COL6A2: variants seen among roughly 807,000 people sequenced by gnomAD.
COL6A2 encodes the protein collagen alpha-2(VI) chain.
Under a neutral mutation model 124.9 loss-of-function variants are expected in COL6A2, and 90 were observed. The observed-to-expected ratio is 0.72, with a 90% CI of 0.61 to 0.86. The LOEUF (loss-of-function observed/expected upper bound fraction) is 0.86, where lower values mean the gene tolerates loss of function less well. Ranked by LOEUF, COL6A2 falls within the 40% of genes least tolerant of loss-of-function variation. COL6A2 has a pLI of 0.00. For synonymous variants in COL6A2, 793 were observed against 618.2 expected, an observed-to-expected ratio of 1.28 and a Z score of -4.19; for missense variants, 1,607 against 1,502.5, an observed-to-expected ratio of 1.07 and a Z score of -1.15.
In COL6A2 at chr21:46,112,208, G is replaced by C. The variant is rs138007666; in HGVS notation, c.345G>C (p.Arg115=). ...VEVFSPPGSD[R]ASFIKNLQGI... ...TGTTCAGCCCACCGGGCAGCGACCG[G>C]GCCTCCTTCATCAAGAACCTGCAGG... The change falls in exon 3 of 28, where the codon CGG becomes CGC. Residue 115 remains arginine, a synonymous_variant. Transcript: ENST00000300527. The C allele has an allele frequency of 6.2e-7, 1 of 1,612,904 alleles. No homozygotes were observed. Among genetic ancestry groups the C allele is most frequent in the Admixed American group, 1.7e-5 (1 of 60,030 alleles).
Position 46,116,248 on chromosome 21 carries a change from G to A in COL6A2, c.901-129G>A. The A allele has an allele frequency of 8.1e-7, 1 of 1,240,458 alleles. No homozygotes were observed. The highest frequency in any genetic ancestry group is 1.9e-5 in the Admixed American group (1 of 51,764). 76.8% of individuals were successfully genotyped at this position (1,240,458 alleles called of 1,614,324 possible). A position where few individuals can be genotyped will look rare whatever the true frequency, so the allele number is the denominator to read the frequency against. ...GACCCAGGGCTCAGCCTCCTCCGCA[G>A]ACTGTTTGTCGAGAACACTAGATGC... On this transcript the variant is annotated intron_variant, in intron 7 of 27. Transcript: ENST00000300527. The surrounding 1 kb of genome is among the most constrained non-coding windows in gnomAD (Gnocchi z 4.6).
rs112710668 is a variant in COL6A2, at chr21:46,111,185, G to T, written c.-27-265G>T. On this transcript the variant is annotated intron_variant, in intron 1 of 27. Coordinates refer to ENST00000300527, the MANE Select transcript of COL6A2 (RefSeq NM_001849.4). ...CACCCAGCCCTGGAGGACATGGAAG[G>T]GCCTCAACCATCCAAATCCCACCCA... Among the ~76,000 whole-genome samples the T allele has an allele frequency of 0.026, 4,001 of 152,230 alleles. 109 individuals are homozygous for T. Among genetic ancestry groups the T allele is most frequent in the Middle Eastern group, 0.065 (19 of 294 alleles).
chr21:46,122,299 A>G, intron 19 of COL6A2, 141 bp downstream of exon 19: 1 of 1,237,146 alleles, frequency 8.1e-7, no homozygotes, highest in East Asian at 2.5e-5. Context: ...GAGTGGTGAG[A>G]AGGCTTCGGG....
chr21:46,102,338 C>T (rs1228831597), intron 1 of COL6A2, among the ~76,000 whole-genome samples: 1 of 152,002 alleles, frequency 6.6e-6, no homozygotes, highest in African/African-American at 2.4e-5. Flanking sequence ...CATCAGTGAT[C>T]AGAGATAATT....
intron 14 of COL6A2, 91 bp downstream of exon 14, chr21:46,119,210 T>C (rs1568932078): frequency 9.9e-7 from 1 of 1,005,612 alleles, no homozygotes; most frequent in Non-Finnish European, 1.5e-6. Context: ...ACCTGGGCTG[T>C]AGGCAGGATC....
chr21:46,114,250 C>G (rs945840676), intron 5 of COL6A2, among the ~76,000 whole-genome samples, 177 bp downstream of exon 5: 1 of 152,020 alleles, frequency 6.6e-6, no homozygotes, highest in Non-Finnish European at 1.5e-5. Context: ...CATGGTGAAA[C>G]CCTGTCTCTA....
At position 46,129,092 on chromosome 21, in the gene COL6A2, A is replaced by C. The variant is rs559141731; in HGVS notation, c.2461+2551A>C. On this transcript the variant is annotated intron_variant, in intron 27 of 27. Transcript: ENST00000300527. ...TTTCCTCTACCGACTCGCCAGCCCAAATGCCGCTCTTCACTCTGGCCTCGC... is the reference window on the plus strand; with the variant it reads ...TTTCCTCTACCGACTCGCCAGCCCACATGCCGCTCTTCACTCTGGCCTCGC... 2.1e-4 allele frequency: 342 copies of C among 1,601,636 alleles called. 4 individuals are homozygous for C. The South Asian group carries it at 3.4e-3, about 16-fold the overall frequency.
At chr21:46,129,118 T>G (rs2078720256) in intron 27 of COL6A2, 1 of 1,607,422 alleles carries the variant, frequency 6.2e-7, no homozygotes, top group Non-Finnish European at 8.5e-7. Context: ...CTGGCCTCGC[T>G]GAGCGGCTGC....
rs267606749 is a variant in COL6A2, at chr21:46,121,590, G to A, written c.1493G>A (p.Arg498His). Residue 498 changes from arginine (R) to histidine (H), a missense_variant, in exon 18 of 28, where the codon CGT becomes CAT. Around this residue, in one of 3 missense-constraint regions of COL6A2, gnomAD observed 1,223 missense variants for 1,052.2 expected, o/e 1.16. Coordinates refer to ENST00000300527, the MANE Select transcript of COL6A2 (RefSeq NM_001849.4). Reference sequence around the variant, plus strand: ...GGAGACCCCGGTGATGCAGGACCCCGTGGAGACTCAGGACAGCCAGGCCCC... The same window carrying A: ...GGAGACCCCGGTGATGCAGGACCCCATGGAGACTCAGGACAGCCAGGCCCC... ...SRGDPGDAGP[R>H]GDSGQPGPKG... 2.6e-5 allele frequency: 42 copies of A among 1,612,720 alleles called. No homozygotes were observed. Among genetic ancestry groups the A allele is most frequent in the Middle Eastern group, 1.6e-4 (1 of 6,082 alleles).
chr21:46,103,689 T>G (rs2078309696), intron 1 of COL6A2, among the ~76,000 whole-genome samples: 1 of 152,238 alleles, frequency 6.6e-6, no homozygotes, highest in Non-Finnish European at 1.5e-5. Flanking sequence ...TTGTTTAATT[T>G]CGTGATTTTT....
rs148762354 is a variant in COL6A2 at position 46,128,940 on chromosome 21, G to A, written c.2461+2399G>A. 571 of 1,611,686 alleles carry A rather than the reference G, an allele frequency of 3.5e-4. 7 individuals are homozygous for A. In the East Asian group the frequency reaches 9.2e-3, roughly 26 times the overall value. ...CTGTTTTGTGCTGAAAGGTTTTCTCGGGGTCCGTGGTGTCCCCCAAAGGTG... is the reference window on the plus strand; with the variant it reads ...CTGTTTTGTGCTGAAAGGTTTTCTCAGGGTCCGTGGTGTCCCCCAAAGGTG... On this transcript the variant is annotated intron_variant, in intron 27 of 27. Coordinates refer to ENST00000300527, the MANE Select transcript of COL6A2 (RefSeq NM_001849.4).
chr21:46,130,339 GGGGAGCGGCAGGGATCACCATCCAAA>G (rs1419458262), intron 27 of COL6A2, among the ~76,000 whole-genome samples: 7 of 152,294 alleles, frequency 4.6e-5, no homozygotes, highest in African/African-American at 9.6e-5. Flanking sequence ...CCACAATGTT[GGGGAGCGGCAGGGATCACCATCCAAA>G]GGGAGCGGCC....
chr21:46,117,941 G>A lies in COL6A2; in HGVS notation c.1116+5G>A. 6.2e-7 allele frequency: 1 copy of A among 1,612,190 alleles called. No homozygotes were observed. The highest frequency in any genetic ancestry group is 8.5e-7 in the Non-Finnish European group (1 of 1,179,380). On this transcript the variant is annotated splice_donor_5th_base_variant and intron_variant, in intron 12 of 27. Coordinates refer to ENST00000300527, the MANE Select transcript of COL6A2 (RefSeq NM_001849.4). ...CGAGGAGACCAAGGCGGCAAGGTAAGTGGCCTTGTCAGGGTACGGGGCAGG... is the reference window on the plus strand; with the variant it reads ...CGAGGAGACCAAGGCGGCAAGGTAAATGGCCTTGTCAGGGTACGGGGCAGG...
intron 24 of COL6A2, 50 bp downstream of exon 24, chr21:46,125,361 C>T (rs368592024): frequency 9.4e-6 from 15 of 1,603,200 alleles, no homozygotes; most frequent in East Asian, 4.5e-5. Context: ...GGGTGGAGGG[C>T]GGGAGTGCAG....
rs1039326587 is a variant in COL6A2, at chr21:46,098,946, G to C, written c.-28+773G>C. The C allele has an allele frequency of 2.0e-5, 3 of 152,442 alleles. No homozygotes were observed. The South Asian group carries it at 6.2e-4, about 32-fold the overall frequency. 9.4% of individuals were successfully genotyped at this position (152,442 alleles called of 1,614,324 possible). A position where few individuals can be genotyped will look rare whatever the true frequency, so the allele number is the denominator to read the frequency against. On this transcript the variant is annotated intron_variant, in intron 1 of 27. Coordinates refer to ENST00000300527, the MANE Select transcript of COL6A2 (RefSeq NM_001849.4). The stretch of plus-strand genomic sequence containing the variant: ...TGGCAACCGAACGGATCGGCCCTCT[G>C]TGGAGCCGCAGGTGTGCGGGCGAGC...
rs2123637447 is a variant in COL6A2 at position 46,119,089 on chromosome 21, G to A, written c.1239G>A (p.Gly413=). 1.2e-6 allele frequency: 2 copies of A among 1,612,526 alleles called. No homozygotes were observed. Among genetic ancestry groups the A allele is most frequent in the Admixed American group, 1.7e-5 (1 of 60,014 alleles). The change falls in exon 14 of 28, where the codon GGG becomes GGA. Residue 413 remains glycine, a synonymous_variant. Coordinates refer to ENST00000300527, the MANE Select transcript of COL6A2 (RefSeq NM_001849.4). ...CTGGTGTGAAAGGAGCCAAGGGCGGGCCTGGGCCCCGCGGACCCAAAGGCG... is the reference window on the plus strand; with the variant it reads ...CTGGTGTGAAAGGAGCCAAGGGCGGACCTGGGCCCCGCGGACCCAAAGGCG... ...GSPGVKGAKG[G]PGPRGPKGEP...
At chr21:46,125,428 T>C (rs1320001183) in intron 24 of COL6A2, 37 bp from the exon 25 acceptor site, 15 of 1,610,778 alleles carry the variant, frequency 9.3e-6, no homozygotes, top group Non-Finnish European at 1.3e-5. Context: ...GTCTGAGGTC[T>C]CCCCGGTACC....
chr21:46,099,984 CA>C (rs1193036278), intron 1 of COL6A2, among the ~76,000 whole-genome samples: 3 of 138,322 alleles, frequency 2.2e-5, no homozygotes, highest in Non-Finnish European at 3.1e-5. Context: ...TTGTGCAGTA[CA>C]AGGCTATTTG....
chr21:46,104,598 A>C (rs2078318656), intron 1 of COL6A2, among the ~76,000 whole-genome samples: 1 of 152,228 alleles, frequency 6.6e-6, no homozygotes, highest in African/African-American at 2.4e-5. Flanking sequence ...AAGAGAGAGC[A>C]AAGGGAGCAG....
Sources: allele counts gnomAD v4.1 joint callset (sites outside exome capture counted in the v4.1 genomes callset), GRCh38; gene constraint gnomAD v4.1.1; regional missense constraint gnomAD v4.1.1; non-coding constraint Gnocchi (gnomAD v3.1); transcripts MANE v1.5; gene names NCBI Gene and HGNC (gene_info 2026-07-23, HGNC 2026-07-21).